Variants in CNBD1 observed in about 807,000 individuals in gnomAD.
CNBD1 encodes cyclic nucleotide binding domain containing 1, also known as cyclic nucleotide-binding domain-containing protein 1.
CNBD1 carries 71 observed loss-of-function variants against 54.4 expected under a neutral mutation model. That is an observed-to-expected ratio of 1.30 (90% CI 1.08 to 1.59). The LOEUF (loss-of-function observed/expected upper bound fraction) is 1.59. CNBD1 is among the 40% of genes most tolerant of loss of function. The pLI is 0.00. For missense variants in CNBD1, 659 were observed against 518.0 expected (o/e 1.27, Z -2.64); for synonymous variants, 182 against 170.7 (o/e 1.07, Z -0.51).
At chr8:87,321,389 C>G (rs1326877204) in intron 8 of CNBD1, among the ~76,000 whole-genome samples, 1 of 152,114 alleles carries the variant, frequency 6.6e-6, no homozygotes, top group Non-Finnish European at 1.5e-5. Flanking sequence ...GTGGCCATCC[C>G]AACACCTGTA....
chr8:87,422,657 T>G (rs1235976799), intron 2 of CNBD1, among the ~76,000 whole-genome samples: 2 of 152,202 alleles, frequency 1.3e-5, no homozygotes, highest in Non-Finnish European at 2.9e-5. Flanking sequence ...ACCAGTACCA[T>G]GCTGTTTTGG....
In CNBD1 at chr8:87,351,707, A is replaced by T; in HGVS notation, c.1065A>T (p.Ile355=). 4 of 1,525,622 alleles carry T rather than the reference A, an allele frequency of 2.6e-6. No individual in the cohort carries two copies. In the African/African-American group the frequency reaches 4.2e-5, roughly 16 times the overall value. The allele number at this position is 1,525,622 out of a possible 1,614,324, so 94.5% of individuals were successfully genotyped here. A position where few individuals can be genotyped will look rare whatever the true frequency, so the allele number is the denominator to read the frequency against. ...CAGTGATAGTGGAAAGTGGAAATAT[A>T]ATTTCTTTTGTGGGTTATATTAACT... ...PGHVIVESGN[I]ISFVGYINSG... is the part of the protein sequence containing the mutation. The change falls in exon 9 of 11, where the codon ATA becomes ATT. Residue 355 remains isoleucine (I), a synonymous_variant. Coordinates refer to ENST00000518476, the MANE Select transcript of CNBD1 (RefSeq NM_173538.3).
intron 8 of CNBD1, among the ~76,000 whole-genome samples, chr8:87,295,223 G>A (rs1377472450): frequency 6.6e-6 from 1 of 151,676 alleles, no homozygotes; most frequent in Non-Finnish European, 1.5e-5. Flanking sequence ...GTATAACAAT[G>A]CACTACAGAA....
intron 4 of CNBD1, among the ~76,000 whole-genome samples, chr8:87,017,544 T>C (rs2130570919): frequency 6.6e-6 from 1 of 152,246 alleles, no homozygotes; most frequent in South Asian, 2.1e-4. Flanking sequence ...CATAATAAAA[T>C]AAAAATGGTT....
At position 87,325,723 on chromosome 8, in the gene CNBD1, A is replaced by G. The variant is rs1407882899; in HGVS notation, c.1043-25962A>G. 1.9e-4 allele frequency among the ~76,000 whole-genome samples: 27 copies of G among 140,548 alleles called. 1 individual carries two copies. The highest frequency in any genetic ancestry group is 7.4e-4 in the African/African-American group (27 of 36,284). 92.2% of individuals were successfully genotyped at this position (140,548 alleles called of 152,430 possible). A position where few individuals can be genotyped will look rare whatever the true frequency, so the allele number is the denominator to read the frequency against. ...TCTGCATGTGAGATGGGTTTCCTGAATACAACACACTGATGGGTCTTGACT... is the reference window on the plus strand; with the variant it reads ...TCTGCATGTGAGATGGGTTTCCTGAGTACAACACACTGATGGGTCTTGACT... On this transcript the variant is annotated intron_variant, in intron 8 of 10. Coordinates refer to ENST00000518476, the MANE Select transcript of CNBD1 (RefSeq NM_173538.3).
chr8:87,393,411 T>A (rs1333852842), intron 2 of CNBD1, among the ~76,000 whole-genome samples: 2 of 151,924 alleles, frequency 1.3e-5, no homozygotes, highest in Admixed American at 6.6e-5. Context: ...AGATCAGGAT[T>A]TGAAAGTACA....
intron 8 of CNBD1, among the ~76,000 whole-genome samples, chr8:87,321,061 A>T (rs1053835763): frequency 1.3e-5 from 2 of 152,112 alleles, no homozygotes; most frequent in Admixed American, 1.3e-4. Context: ...TTATAGATGA[A>T]TTACCACATT....
intron 10 of CNBD1, among the ~76,000 whole-genome samples, chr8:87,359,310 C>T (rs72668631): frequency 0.076 from 11,471 of 150,480 alleles, 519 homozygotes; most frequent in South Asian, 0.097. Context: ...AAATTCATTC[C>T]ATAGTCTGTT....
chr8:86,903,488 G>A (rs966140086), intron 2 of CNBD1, among the ~76,000 whole-genome samples: 1 of 152,026 alleles, frequency 6.6e-6, no homozygotes, highest in Admixed American at 6.6e-5. Context: ...AGTTAATACA[G>A]TTATGTAAGA....
At chr8:87,327,668 C>T (rs933266446) in intron 8 of CNBD1, among the ~76,000 whole-genome samples, 53 of 152,324 alleles carry the variant, frequency 3.5e-4, no homozygotes, top group East Asian at 1.4e-3. Flanking sequence ...GGCTCGTGCC[C>T]GGTGCGCACA....
chr8:87,388,488 C>T (rs2130966635), intron 2 of CNBD1, among the ~76,000 whole-genome samples: 1 of 152,246 alleles, frequency 6.6e-6, no homozygotes, highest in South Asian at 2.1e-4. Context: ...CGCAAATAAA[C>T]TAGAAAATCT....
intron 6 of CNBD1, among the ~76,000 whole-genome samples, chr8:87,276,486 G>T (rs536889254): frequency 2.0e-5 from 3 of 151,750 alleles, no homozygotes; most frequent in Non-Finnish European, 2.9e-5. Flanking sequence ...TTCATAATGC[G>T]TTGATAAGGG....
intron 6 of CNBD1, among the ~76,000 whole-genome samples, chr8:87,270,683 C>G (rs1216452970): frequency 6.6e-6 from 1 of 151,680 alleles, no homozygotes; most frequent in Non-Finnish European, 1.5e-5. Flanking sequence ...CCTGTAGTTT[C>G]TTTATTTTTA....
intron 4 of CNBD1, among the ~76,000 whole-genome samples, chr8:87,116,915 T>G (rs1390203710): frequency 6.6e-6 from 1 of 152,186 alleles, no homozygotes; most frequent in Non-Finnish European, 1.5e-5. Context: ...CAGTTCTTAT[T>G]AAGTCTATTA....
At chr8:87,421,284 T>A (rs1807931097) in intron 2 of CNBD1, among the ~76,000 whole-genome samples, 1 of 151,930 alleles carries the variant, frequency 6.6e-6, no homozygotes, top group Admixed American at 6.6e-5. Flanking sequence ...TTTATTTTTT[T>A]ATATTATACT....
chr8:87,221,634 G>C (rs1055341234), intron 5 of CNBD1, among the ~76,000 whole-genome samples: 1 of 151,824 alleles, frequency 6.6e-6, no homozygotes, highest in African/African-American at 2.4e-5. Context: ...ACTCATTTAA[G>C]GATGTTTGCC....
chr8:87,341,432 C>G (rs957924728), intron 8 of CNBD1, among the ~76,000 whole-genome samples: 2 of 152,124 alleles, frequency 1.3e-5, no homozygotes, highest in African/African-American at 4.8e-5. Context: ...GGAGTTTTCT[C>G]TTAATCACAT....
At chr8:87,358,379 T>G (rs1810461299) in intron 10 of CNBD1, among the ~76,000 whole-genome samples, 2 of 152,160 alleles carry the variant, frequency 1.3e-5, no homozygotes, top group Admixed American at 1.3e-4. Context: ...AGGTAAACAT[T>G]GCTTAAAAAT....
At chr8:87,172,648 T>C (rs1813113703) in intron 4 of CNBD1, among the ~76,000 whole-genome samples, 1 of 152,156 alleles carries the variant, frequency 6.6e-6, no homozygotes, top group Non-Finnish European at 1.5e-5. Flanking sequence ...TCTCTTGTAT[T>C]TTTTGTCTTA....
Sources: gnomAD v4.1 joint callset for allele counts (sites outside exome capture counted in the v4.1 genomes callset) on GRCh38, gnomAD v4.1.1 for gene constraint, MANE v1.5 for transcripts, NCBI Gene and HGNC (gene_info 2026-07-23, HGNC 2026-07-21) for gene names.